Variants in KIAA1671 observed in about 807,000 individuals in gnomAD.
The protein encoded by KIAA1671 is KIAA1671, also known as uncharacterized protein KIAA1671.
In KIAA1671, 52 loss-of-function variants were observed where a neutral mutation model predicts 131.2. The observed-to-expected ratio is 0.40, with a 90% CI of 0.32 to 0.50. The LOEUF (loss-of-function observed/expected upper bound fraction) is 0.50, where lower values mean the gene tolerates loss of function less well. KIAA1671 is among the 20% of genes least tolerant of loss of function. The probability of loss-of-function intolerance (pLI) is 0.73; values close to 1 mark genes in which losing one functional copy is unlikely to be tolerated. For missense variants in KIAA1671, 2,360 were observed against 2,364.2 expected (o/e 1.00, Z 0.04); for synonymous variants, 1,003 against 961.6 (o/e 1.04, Z -0.80).
chr22:25,032,329 C>CA (rs1926339322), intron 3 of KIAA1671, among the ~76,000 whole-genome samples: 1 of 152,166 alleles, frequency 6.6e-6, no homozygotes, highest in African/African-American at 2.4e-5. Flanking sequence ...GATGAAGAAA[C>CA]AGAGGCTCAG....
intron 6 of KIAA1671, among the ~76,000 whole-genome samples, chr22:25,082,627 G>A (rs117575877): frequency 6.6e-6 from 1 of 152,306 alleles, no homozygotes; most frequent in East Asian, 1.9e-4. Flanking sequence ...GAACCCAGGA[G>A]TTAGAGACCA....
intron 1 of KIAA1671, among the ~76,000 whole-genome samples, chr22:24,968,500 G>A (rs1922422083): frequency 6.6e-6 from 1 of 152,166 alleles, no homozygotes; most frequent in South Asian, 2.1e-4. Flanking sequence ...CCAGCCATGG[G>A]AATGGTTTCC....
chr22:25,184,924 G>A (rs1403345625), intron 10 of KIAA1671, 53 bp from the exon 11 acceptor site: 2 of 1,547,252 alleles, frequency 1.3e-6, no homozygotes, highest in Non-Finnish European at 1.7e-6. Context: ...ATGGGAGGGG[G>A]CCCTTCCCCA....
chr22:25,168,449 G>A (rs1034212201), intron 6 of KIAA1671, among the ~76,000 whole-genome samples: 8 of 152,214 alleles, frequency 5.3e-5, no homozygotes. Flanking sequence ...CCAGCACTGC[G>A]GGAGGCCGAG....
At chr22:24,962,883 C>A (rs918102700) in intron 1 of KIAA1671, among the ~76,000 whole-genome samples, 2 of 152,042 alleles carry the variant, frequency 1.3e-5, no homozygotes, top group Non-Finnish European at 2.9e-5. Flanking sequence ...GGCCAAAGTG[C>A]CTTTACCAGC....
rs150874461 is a variant in KIAA1671 at position 25,166,959 on chromosome 22, A to G, written c.4531-3861A>G. Among the ~76,000 whole-genome samples the G allele has an allele frequency of 3.9e-5, 6 of 152,320 alleles. No individual in the cohort carries two copies. The East Asian group carries it at 1.2e-3, about 29-fold the overall frequency. On this transcript the variant is annotated intron_variant, in intron 6 of 12. Coordinates refer to ENST00000358431, the MANE Select transcript of KIAA1671 (RefSeq NM_001145206.2). ...GGACAACGATGTCTTGTCCTCCACC[A>G]GAAACAACCCCTAAGTCCCCAGCAT...
intron 6 of KIAA1671, among the ~76,000 whole-genome samples, chr22:25,163,331 ATTTTTTTTTTTTTT>A (rs132895): frequency 7.7e-4 from 43 of 55,560 alleles, no homozygotes; most frequent in East Asian, 4.9e-3. Flanking sequence ...ATTGCCTCAA[ATTTTTTTTTTTTTT>A]TTTTTTTTTT....
intron 6 of KIAA1671, among the ~76,000 whole-genome samples, chr22:25,113,286 G>A (rs1453752682): frequency 2.0e-5 from 3 of 152,146 alleles, no homozygotes; most frequent in Non-Finnish European, 2.9e-5. Context: ...GCTCCCAGCA[G>A]ATGTTCTCCC....
At chr22:25,127,764 T>C (rs985354863) in intron 6 of KIAA1671, among the ~76,000 whole-genome samples, 1 of 152,224 alleles carries the variant, frequency 6.6e-6, no homozygotes, top group African/African-American at 2.4e-5. Flanking sequence ...AGTCCTTTTG[T>C]GGGGGAGATG....
chr22:25,093,732 C>T (rs55720339), intron 6 of KIAA1671, among the ~76,000 whole-genome samples: 31 of 111,586 alleles, frequency 2.8e-4, no homozygotes, highest in Non-Finnish European at 4.5e-4. Context: ...CACACACACA[C>T]ACACACTCTC....
intron 4 of KIAA1671, among the ~76,000 whole-genome samples, chr22:25,035,076 T>G (rs2145797673): frequency 7.0e-6 from 1 of 142,606 alleles, no homozygotes; most frequent in African/African-American, 2.7e-5. Context: ...AGACAGAGTC[T>G]TACTCTGTTG....
At chr22:25,178,894 G>A (rs1170351138) in intron 9 of KIAA1671, among the ~76,000 whole-genome samples, 2 of 152,188 alleles carry the variant, frequency 1.3e-5, no homozygotes, top group Non-Finnish European at 2.9e-5. Context: ...TGGAAAGACA[G>A]CAGGTACTGT....
At chr22:25,189,649 G>A (rs1001125081) in intron 11 of KIAA1671, among the ~76,000 whole-genome samples, 1 of 152,186 alleles carries the variant, frequency 6.6e-6, no homozygotes, top group African/African-American at 2.4e-5. Context: ...TACACATTAG[G>A]TTTAAGTTGA....
chr22:24,974,391 A>G (rs1922801250), intron 1 of KIAA1671, among the ~76,000 whole-genome samples: 1 of 152,120 alleles, frequency 6.6e-6, no homozygotes. Flanking sequence ...TGGTGACACC[A>G]TGAGGCAGGA....
chr22:25,115,469 A>G (rs1931603459), intron 6 of KIAA1671, among the ~76,000 whole-genome samples: 1 of 152,198 alleles, frequency 6.6e-6, no homozygotes, highest in African/African-American at 2.4e-5. Flanking sequence ...CATCTGAAAC[A>G]TGGAGATTCA....
intron 6 of KIAA1671, among the ~76,000 whole-genome samples, chr22:25,090,935 G>A (rs145692927): frequency 6.6e-6 from 1 of 152,298 alleles, no homozygotes; most frequent in African/African-American, 2.4e-5. Context: ...ACAAGGGCAG[G>A]GATCCTCATC....
At chr22:25,015,513 A>AAAGATAAG (rs1925263636) in intron 1 of KIAA1671, among the ~76,000 whole-genome samples, 1 of 152,280 alleles carries the variant, frequency 6.6e-6, no homozygotes, top group South Asian at 2.1e-4. Flanking sequence ...GCAGAGGGGT[A>AAAGATAAG]AAGATAAGTT....
chr22:24,988,317 G>GC (rs1400315918), intron 1 of KIAA1671, among the ~76,000 whole-genome samples: 1 of 150,412 alleles, frequency 6.6e-6, no homozygotes, highest in Non-Finnish European at 1.5e-5. Flanking sequence ...CTGGATCTCA[G>GC]CCCCCCAAAC....
intron 6 of KIAA1671, among the ~76,000 whole-genome samples, chr22:25,146,391 G>A (rs1442885137): frequency 6.6e-6 from 1 of 152,136 alleles, no homozygotes; most frequent in Non-Finnish European, 1.5e-5. Context: ...GTTTTGAAAG[G>A]CAGCACCCTG....
Sources: gnomAD v4.1 joint callset for allele counts (sites outside exome capture counted in the v4.1 genomes callset) on GRCh38, gnomAD v4.1.1 for gene constraint, MANE v1.5 for transcripts, NCBI Gene and HGNC (gene_info 2026-07-23, HGNC 2026-07-21) for gene names.